Variants in FAM168A observed in about 807,000 individuals in gnomAD.
FAM168A encodes family with sequence similarity 168 member A.
A neutral mutation model predicts 28.5 loss-of-function variants in FAM168A; 3 were observed. The observed-to-expected ratio is 0.11, with a 90% CI of 0.05 to 0.27. FAM168A has a LOEUF of 0.27. FAM168A is among the 10% of genes least tolerant of loss of function. The probability of loss-of-function intolerance (pLI) is 1.00; values close to 1 mark genes in which losing one functional copy is unlikely to be tolerated. For missense variants in FAM168A, 222 were observed against 311.5 expected (o/e 0.71, Z 2.16); for synonymous variants, 122 against 124.2 (o/e 0.98, Z 0.12).
chr11:73,460,025 C>A (rs573375705), intron 2 of FAM168A, among the ~76,000 whole-genome samples: 1 of 151,848 alleles, frequency 6.6e-6, no homozygotes, highest in Non-Finnish European at 1.5e-5. Context: ...GGAGTACAGG[C>A]GCCCACCACC....
At position 73,527,453 on chromosome 11, in the gene FAM168A, C is replaced by A. The variant is rs1185298840; in HGVS notation, c.-18-58961G>T. ...ATCACTTATTGAGCACTAGCATATG[C>A]AAAGTCTATGTACCAAACATGCCAG... On this transcript the variant is annotated intron_variant, in intron 1 of 7. Coordinates refer to ENST00000356467, the MANE Select transcript of FAM168A (RefSeq NM_015159.3). Among the ~76,000 whole-genome samples, 4 of 152,246 alleles carry A rather than the reference C, an allele frequency of 2.6e-5. No homozygotes were observed. The East Asian group carries it at 7.7e-4, about 29-fold the overall frequency.
intron 1 of FAM168A, among the ~76,000 whole-genome samples, chr11:73,533,034 T>C (rs556511701): frequency 5.0e-4 from 76 of 152,302 alleles, no homozygotes; most frequent in African/African-American, 1.8e-3. Flanking sequence ...GAAGTCCATA[T>C]ACAAAGGCTA....
chr11:73,589,513 A>C (rs1213340381), intron 1 of FAM168A, among the ~76,000 whole-genome samples: 1 of 151,988 alleles, frequency 6.6e-6, no homozygotes, highest in Non-Finnish European at 1.5e-5. Flanking sequence ...AAAAAAAAGA[A>C]AAAAAAAGTG....
chr11:73,409,812 A>G lies in FAM168A; in HGVS notation c.421-151T>C, dbSNP rs911371469. 8.3e-6 allele frequency: 6 copies of G among 720,184 alleles called. No homozygotes were observed. In the African/African-American group the frequency reaches 9.1e-5, roughly 11 times the overall value. The allele number at this position is 720,184 out of a possible 1,614,324, so 44.6% of individuals were successfully genotyped here. ...CTGTGGTCAGTGCAGTGCTGGGCTC[A>G]GCTTCTGGTCTGAAAAATAAGGCTC... On this transcript the variant is annotated intron_variant, in intron 5 of 7. Coordinates refer to ENST00000356467, the MANE Select transcript of FAM168A (RefSeq NM_015159.3).
intron 2 of FAM168A, among the ~76,000 whole-genome samples, chr11:73,445,025 C>T (rs967010969): frequency 5.9e-5 from 9 of 151,908 alleles, no homozygotes; most frequent in African/African-American, 2.2e-4. Flanking sequence ...TTTGGGAGGC[C>T]GAGGTGGGTG....
At chr11:73,416,914 C>T (rs904425728) in intron 4 of FAM168A, among the ~76,000 whole-genome samples, 2 of 152,012 alleles carry the variant, frequency 1.3e-5, no homozygotes, top group African/African-American at 2.4e-5. Flanking sequence ...CCACTGGACT[C>T]CAGCCTGAGT....
At chr11:73,549,896 G>C (rs1162108555) in intron 1 of FAM168A, among the ~76,000 whole-genome samples, 5 of 152,224 alleles carry the variant, frequency 3.3e-5, no homozygotes, top group African/African-American at 9.6e-5. Context: ...ACTTGACTAA[G>C]AAGAGGGCTT....
chr11:73,431,045 GA>G (rs952506635), intron 2 of FAM168A, among the ~76,000 whole-genome samples: 18 of 148,030 alleles, frequency 1.2e-4, no homozygotes, highest in Non-Finnish European at 9.0e-5. Context: ...CTATTAAAAA[GA>G]AAAAAAAAAG....
intron 1 of FAM168A, among the ~76,000 whole-genome samples, chr11:73,534,859 C>G (rs1300601507): frequency 6.6e-6 from 1 of 152,152 alleles, no homozygotes; most frequent in Non-Finnish European, 1.5e-5. Flanking sequence ...CAGAGAGGGT[C>G]TCCAGACAAA....
intron 1 of FAM168A, among the ~76,000 whole-genome samples, chr11:73,542,446 A>T (rs1295808802): frequency 6.6e-6 from 1 of 152,176 alleles, no homozygotes; most frequent in East Asian, 1.9e-4. Context: ...CTAATCTATC[A>T]GCAAATTCTG....
At chr11:73,456,922 G>A (rs944219591) in intron 2 of FAM168A, among the ~76,000 whole-genome samples, 1 of 152,234 alleles carries the variant, frequency 6.6e-6, no homozygotes, top group African/African-American at 2.4e-5. Context: ...TGGGGGTTAT[G>A]TGTTCTGATT....
intron 1 of FAM168A, among the ~76,000 whole-genome samples, chr11:73,496,389 A>G (rs1854872982): frequency 1.3e-5 from 2 of 152,374 alleles, no homozygotes; most frequent in Non-Finnish European, 2.9e-5. Context: ...CATACTTTCA[A>G]TGGCGAAAAC....
At chr11:73,485,087 T>G (rs577786872) in intron 1 of FAM168A, among the ~76,000 whole-genome samples, 1 of 152,190 alleles carries the variant, frequency 6.6e-6, no homozygotes, top group Non-Finnish European at 1.5e-5. Context: ...ATCAATACTT[T>G]GCATCCTTCA....
At chr11:73,419,422 G>A (rs563890348) in intron 4 of FAM168A, among the ~76,000 whole-genome samples, 4 of 152,290 alleles carry the variant, frequency 2.6e-5, no homozygotes, top group East Asian at 1.9e-4. Flanking sequence ...TAGGGTAGAG[G>A]CCAGGGATGC....
chr11:73,466,249 C>T (rs112792301), intron 2 of FAM168A, among the ~76,000 whole-genome samples: 14 of 152,298 alleles, frequency 9.2e-5, no homozygotes, highest in African/African-American at 2.6e-4. Flanking sequence ...GGAAGCTTTC[C>T]TAGCCCTAGA....
intron 1 of FAM168A, among the ~76,000 whole-genome samples, chr11:73,572,391 G>C (rs1486497986): frequency 3.9e-5 from 6 of 152,216 alleles, no homozygotes; most frequent in Admixed American, 3.3e-4. Context: ...ACAGCTCATT[G>C]AGAACGGGCC....
At chr11:73,516,655 T>C (rs548406284) in intron 1 of FAM168A, among the ~76,000 whole-genome samples, 19 of 152,236 alleles carry the variant, frequency 1.2e-4, no homozygotes, top group Non-Finnish European at 1.8e-4. Context: ...CTAATATATA[T>C]ATTTTTTCCA....
intron 1 of FAM168A, among the ~76,000 whole-genome samples, chr11:73,517,543 C>G (rs980083212): frequency 6.6e-6 from 1 of 151,418 alleles, no homozygotes; most frequent in Non-Finnish European, 1.5e-5. Flanking sequence ...TCGGCGGGGG[C>G]GGGGGGTGGT....
intron 1 of FAM168A, among the ~76,000 whole-genome samples, chr11:73,539,037 T>C (rs899052034): frequency 1.3e-5 from 2 of 152,178 alleles, no homozygotes; most frequent in Admixed American, 6.5e-5. Flanking sequence ...AATAAGATAA[T>C]GTTAAGTAAA....
Sources: allele counts gnomAD v4.1 joint callset (sites outside exome capture counted in the v4.1 genomes callset), GRCh38; gene constraint gnomAD v4.1.1; transcripts MANE v1.5; gene names NCBI Gene and HGNC (gene_info 2026-07-23, HGNC 2026-07-21).